Variants in RTEL1 observed in about 807,000 individuals in gnomAD.
RTEL1 encodes the protein regulator of telomere elongation helicase 1.
A neutral mutation model predicts 162.2 loss-of-function variants in RTEL1; 86 were observed. The observed-to-expected ratio is 0.53, with a 90% CI of 0.45 to 0.63. The LOEUF (loss-of-function observed/expected upper bound fraction) is 0.63, where lower values mean the gene tolerates loss of function less well. Ranked by LOEUF, RTEL1 falls within the 30% of genes least tolerant of loss-of-function variation. RTEL1 has a pLI of 0.00. For missense variants in RTEL1, 1,941 were observed against 1,750.2 expected, an observed-to-expected ratio of 1.11 and a Z score of -1.95; for synonymous variants, 958 against 717.9, an observed-to-expected ratio of 1.33 and a Z score of -5.35.
chr20:63,682,188 C>G (rs2090489416), intron 14 of RTEL1: 22 of 985,306 alleles, frequency 2.2e-5, no homozygotes, highest in Non-Finnish European at 2.7e-5. Flanking sequence ...TTCTGAGGTT[C>G]CTACACTCGA....
At chr20:63,694,269 G>A (rs1298851279) in intron 30 of RTEL1, 103 bp from the exon 31 acceptor site, 1 of 1,006,210 alleles carries the variant, frequency 9.9e-7, no homozygotes, top group Non-Finnish European at 1.6e-6. Context: ...GCCCTGGTCT[G>A]AGGTGGGTGA....
At chr20:63,694,052 A>G (rs2090898818) in intron 30 of RTEL1, among the ~76,000 whole-genome samples, 1 of 151,970 alleles carries the variant, frequency 6.6e-6, no homozygotes, top group Non-Finnish European at 1.5e-5. Flanking sequence ...TAGTTCACCC[A>G]GGGGGGAACC....
intron 8 of RTEL1, among the ~76,000 whole-genome samples, chr20:63,671,219 C>T (rs2090234691): frequency 6.6e-6 from 1 of 151,978 alleles, no homozygotes; most frequent in African/African-American, 2.4e-5. Context: ...CGCCACCACA[C>T]CCGGCTAATT....
intron 9 of RTEL1, among the ~76,000 whole-genome samples, chr20:63,673,530 C>T (rs562644223): frequency 6.6e-6 from 1 of 152,262 alleles, no homozygotes; most frequent in Admixed American, 6.5e-5. Context: ...CCTCCACCTC[C>T]TGGGCTCAAG....
intron 14 of RTEL1, 65 bp from the exon 15 acceptor site, chr20:63,685,458 C>G (rs1221575029): frequency 6.5e-7 from 1 of 1,528,408 alleles, no homozygotes; most frequent in Non-Finnish European, 9.0e-7. Flanking sequence ...GTGTATGCGG[C>G]TGATGCTGCA....
At chr20:63,694,556 C>A in intron 31 of RTEL1, 68 bp downstream of exon 31, 1 of 1,375,580 alleles carries the variant, frequency 7.3e-7, no homozygotes, top group Non-Finnish European at 1.0e-6. Context: ...ACGAGGCTAA[C>A]TCTTGAGTGT....
intron 10 of RTEL1, among the ~76,000 whole-genome samples, chr20:63,677,454 A>G (rs370368675): frequency 1.3e-5 from 2 of 152,292 alleles, no homozygotes. Flanking sequence ...ATCTCTACTA[A>G]AAATGCGAAA....
At chr20:63,663,836 C>T (rs1409954931) in intron 6 of RTEL1, among the ~76,000 whole-genome samples, 1 of 152,128 alleles carries the variant, frequency 6.6e-6, no homozygotes, top group Non-Finnish European at 1.5e-5. Context: ...GACTGAGGAC[C>T]CTGAAGCTGC....
rs757763356 is a variant in RTEL1 at position 63,690,376 on chromosome 20, T to C, written c.2348T>C (p.Phe783Ser). Residue 783 changes from phenylalanine (F) to serine (S), a missense_variant, in exon 26 of 35, where the codon TTC becomes TCC. By Grantham distance (155) the Phe-to-Ser change is radical. Coordinates refer to ENST00000360203, the MANE Select transcript of RTEL1 (RefSeq NM_001283009.2). ...AVSEAKSPGP[F>S]FSTRKAKSLD... ...AGCGAGGCCAAGTCGCCTGGCCCCT[T>C]CTTCTCCACCAGGAAAGCTAAGAGT... 4 of 1,611,456 alleles carry C rather than the reference T, an allele frequency of 2.5e-6. No homozygotes were observed. The highest frequency in any genetic ancestry group is 3.4e-6 in the Non-Finnish European group (4 of 1,179,238).
At chr20:63,685,933 C>G (rs2090583084) in intron 16 of RTEL1, 61 bp downstream of exon 16, 1 of 1,505,084 alleles carries the variant, frequency 6.6e-7, no homozygotes, top group African/African-American at 1.4e-5. Flanking sequence ...CACCACCATG[C>G]CACAGGCTAG....
chr20:63,684,228 G>A (rs1217791899), intron 14 of RTEL1, among the ~76,000 whole-genome samples: 2 of 152,272 alleles, frequency 1.3e-5, no homozygotes, highest in African/African-American at 4.8e-5. Flanking sequence ...ACGCCACACC[G>A]GTGGTTCTGT....
At chr20:63,678,432 A>G in intron 12 of RTEL1, 86 bp downstream of exon 12, 1 of 1,259,868 alleles carries the variant, frequency 7.9e-7, no homozygotes, top group East Asian at 2.5e-5. Context: ...CTGTCACATC[A>G]CGAGTGAGGC....
At chr20:63,669,458 G>T (rs3848669) in intron 8 of RTEL1, among the ~76,000 whole-genome samples, 122,881 of 152,174 alleles carry the variant, frequency 0.81, 50,794 homozygotes, top group African/African-American at 0.94. Context: ...CTTCAACTCT[G>T]TGGAAGAGTT....
At chr20:63,690,669 C>T in intron 26 of RTEL1, 136 bp from the exon 27 acceptor site, 5 of 1,089,376 alleles carry the variant, frequency 4.6e-6, no homozygotes, top group Non-Finnish European at 6.4e-6. Context: ...GCTGAGACTC[C>T]CCCCAATAGC....
In RTEL1 at chr20:63,694,361, CTCT is replaced by C. The variant is rs761735369; in HGVS notation, c.2993-8_2993-6del. 4.4e-4 allele frequency: 657 copies of C among 1,489,126 alleles called. 6 individuals are homozygous for C. Among genetic ancestry groups the C allele is most frequent in the South Asian group, 2.9e-3 (262 of 89,636 alleles). 92.2% of individuals were successfully genotyped at this position (1,489,126 alleles called of 1,614,324 possible). ...CTCGACCAGCTTTGTGGCTCTACAT[CTCT>C]TCATCAGGAAGAACGGCGCCGGATC... On this transcript the variant is annotated splice_polypyrimidine_tract_variant and splice_region_variant and intron_variant, in intron 30 of 34. Transcript: ENST00000360203.
At chr20:63,692,252 G>C (rs1250262319) in intron 28 of RTEL1, 4 of 223,148 alleles carry the variant, frequency 1.8e-5, no homozygotes, top group African/African-American at 6.9e-5. Context: ...ATGTCCCTTG[G>C]CTTCTGGGAA....
At chr20:63,662,704 C>A in intron 5 of RTEL1, 77 bp downstream of exon 5, 1 of 1,604,660 alleles carries the variant, frequency 6.2e-7, no homozygotes, top group Non-Finnish European at 8.5e-7. Flanking sequence ...CCAGGCTGCG[C>A]TCCCGCTGGG....
chr20:63,667,909 T>G (rs919680718), intron 8 of RTEL1, among the ~76,000 whole-genome samples: 1 of 147,606 alleles, frequency 6.8e-6, no homozygotes, highest in Non-Finnish European at 1.5e-5. Flanking sequence ...CTGACTCCCC[T>G]CTTCCCAGCG....
intron 30 of RTEL1, among the ~76,000 whole-genome samples, chr20:63,693,612 TCCACCTCCACCACCACCTCCACCA>T (rs1568721180): frequency 2.9e-3 from 8 of 2,718 alleles, no homozygotes; most frequent in Admixed American, 0.019. Context: ...CACCACCACC[TCCACCTCCACCACCACCTCCACCA>T]CCACCACCTC....
Sources: gnomAD v4.1 joint callset for allele counts (sites outside exome capture counted in the v4.1 genomes callset) on GRCh38, gnomAD v4.1.1 for gene constraint, MANE v1.5 for transcripts, NCBI Gene and HGNC (gene_info 2026-07-23, HGNC 2026-07-21) for gene names.